SKAP2: variants seen among roughly 807,000 people sequenced by gnomAD.
SKAP2 encodes the protein src kinase-associated phosphoprotein 2.
A neutral mutation model predicts 54.9 loss-of-function variants in SKAP2; 28 were observed. The ratio of observed to expected loss-of-function variants is 0.51; its 90% CI spans 0.38 to 0.70. The LOEUF (loss-of-function observed/expected upper bound fraction) is 0.70, where lower values mean the gene tolerates loss of function less well. Ranked by LOEUF, SKAP2 falls within the 30% of genes least tolerant of loss-of-function variation. The probability of loss-of-function intolerance (pLI) is 0.00; values close to 1 mark genes in which losing one functional copy is unlikely to be tolerated. For missense variants in SKAP2, 356 were observed against 424.1 expected (o/e 0.84, Z 1.41); for synonymous variants, 137 against 134.3 (o/e 1.02, Z -0.14).
At chr7:26,759,155 T>C (rs1562600075) in intron 4 of SKAP2, among the ~76,000 whole-genome samples, 1 of 152,208 alleles carries the variant, frequency 6.6e-6, no homozygotes, top group Admixed American at 6.5e-5. Context: ...TTTATGGCTA[T>C]ACTATAAACT....
At chr7:26,695,425 C>T (rs915857346) in intron 9 of SKAP2, among the ~76,000 whole-genome samples, 22 of 152,188 alleles carry the variant, frequency 1.4e-4, no homozygotes, top group Non-Finnish European at 2.6e-4. Context: ...TTTATCATCA[C>T]CATTTTATGA....
chr7:26,857,864 G>C, intron 1 of SKAP2: 2 of 335,520 alleles, frequency 6.0e-6, no homozygotes, highest in Non-Finnish European at 8.5e-6. Context: ...AAATAGCCCT[G>C]CAAACGGTAA....
chr7:26,674,281 T>C (rs1259925616), intron 11 of SKAP2, among the ~76,000 whole-genome samples: 1 of 152,212 alleles, frequency 6.6e-6, no homozygotes, highest in Non-Finnish European at 1.5e-5. Flanking sequence ...ACCAATGGAC[T>C]TGACTGTTGT....
intron 4 of SKAP2, among the ~76,000 whole-genome samples, chr7:26,830,962 G>C (rs1183536243): frequency 6.6e-6 from 1 of 152,036 alleles, no homozygotes; most frequent in Non-Finnish European, 1.5e-5. Flanking sequence ...GTTTGGATTT[G>C]TTATTGTCTT....
chr7:26,725,708 T>C, intron 8 of SKAP2, 143 bp from the exon 9 acceptor site: 1 of 996,716 alleles, frequency 1.0e-6, no homozygotes, highest in South Asian at 1.8e-5. Context: ...TGTTTAAAAA[T>C]TGTTTTGTAA....
rs1265884478 is a variant in SKAP2 at position 26,740,858 on chromosome 7, G to A, written c.308-894C>T. 3.3e-5 allele frequency among the ~76,000 whole-genome samples: 5 copies of A among 151,886 alleles called. No homozygotes were observed. In the East Asian group the frequency reaches 5.8e-4, roughly 18 times the overall value. Reference sequence around the variant, plus strand: ...AAAGAAATTAGCCAGGCATGGTGGCGGGTGCCTGTAATCCCAGCTACTTGG... The same window carrying A: ...AAAGAAATTAGCCAGGCATGGTGGCAGGTGCCTGTAATCCCAGCTACTTGG... On this transcript the variant is annotated intron_variant, in intron 4 of 12. Transcript: ENST00000345317.
intron 9 of SKAP2, among the ~76,000 whole-genome samples, chr7:26,719,850 T>C (rs1292146026): frequency 3.3e-5 from 5 of 152,190 alleles, no homozygotes; most frequent in Non-Finnish European, 5.9e-5. Context: ...ATATGGAGCT[T>C]AGGTTATGAA....
the SKAP2 span, among the ~76,000 whole-genome samples, chr7:26,658,678 T>C: frequency 7.2e-5 from 11 of 152,170 alleles, no homozygotes; most frequent in Non-Finnish European, 1.6e-4. Context: ...AACACAGGCA[T>C]CACAATTTTT....
At chr7:26,826,228 T>C (rs1784492558) in intron 4 of SKAP2, among the ~76,000 whole-genome samples, 1 of 152,098 alleles carries the variant, frequency 6.6e-6, no homozygotes. Context: ...TTCAATGGGG[T>C]TGCTAACCTG....
At chr7:26,741,571 TA>T (rs1782456456) in intron 4 of SKAP2, among the ~76,000 whole-genome samples, 1,253 of 37,806 alleles carry the variant, frequency 0.033, 19 homozygotes, top group African/African-American at 0.074. Flanking sequence ...AATAAATAAA[TA>T]AATAAATTAA....
At chr7:26,666,109 T>C (rs1177223480), downstream of SKAP2, among the ~76,000 whole-genome samples, 2 of 152,122 alleles carry the variant, frequency 1.3e-5, no homozygotes, top group East Asian at 3.9e-4. Flanking sequence ...ACCATGTGGA[T>C]TGCTTTCAAT....
At position 26,667,952 on chromosome 7, in the gene SKAP2, G is replaced by A. The variant is rs1786138480; in HGVS notation, c.*1714C>T. On this transcript the variant is annotated 3_prime_UTR_variant, in exon 13 of 13. Coordinates refer to ENST00000345317, the MANE Select transcript of SKAP2 (RefSeq NM_003930.5). ...TCAGTCTATTTCAATGGCACTATAT[G>A]AGGAAAAGGTAAGAACTGCACAAAT... The A allele has an allele frequency of 6.6e-6, 1 of 152,120 alleles. No homozygotes were observed. Among genetic ancestry groups the A allele is most frequent in the South Asian group, 2.1e-4 (1 of 4,828 alleles). The allele number at this position is 152,120 out of a possible 1,614,324, so 9.4% of individuals were successfully genotyped here.
rs1241018956 is a variant in SKAP2 at position 26,668,429 on chromosome 7, A to G, written c.*1237T>C. Reference sequence around the variant, plus strand: ...AAATCTTGCTCAGGCAGCACAGAGTATAACTCAAATGTCAGGCTAACACTA... The same window carrying G: ...AAATCTTGCTCAGGCAGCACAGAGTGTAACTCAAATGTCAGGCTAACACTA... On this transcript the variant is annotated 3_prime_UTR_variant, in exon 13 of 13. Transcript: ENST00000345317. 1 of 152,176 alleles carries G rather than the reference A, an allele frequency of 6.6e-6. No homozygotes were observed. The highest frequency in any genetic ancestry group is 1.5e-5 in the Non-Finnish European group (1 of 68,030). 9.4% of individuals were successfully genotyped at this position (152,176 alleles called of 1,614,324 possible). A position where few individuals can be genotyped will look rare whatever the true frequency, so the allele number is the denominator to read the frequency against.
At chr7:26,801,036 T>C (rs1260736586) in intron 4 of SKAP2, among the ~76,000 whole-genome samples, 3 of 150,986 alleles carry the variant, frequency 2.0e-5, no homozygotes, top group African/African-American at 7.3e-5. Flanking sequence ...AAAAGACGCA[T>C]CCAAGAAAGA....
chr7:26,694,205 T>C (rs1786847546), intron 9 of SKAP2, among the ~76,000 whole-genome samples: 3 of 152,196 alleles, frequency 2.0e-5, no homozygotes, highest in African/African-American at 7.2e-5. Flanking sequence ...AGTCAATGTT[T>C]GTGAGTTAAT....
intron 4 of SKAP2, among the ~76,000 whole-genome samples, chr7:26,798,165 G>T (rs1233978693): frequency 6.6e-6 from 1 of 151,856 alleles, no homozygotes; most frequent in Non-Finnish European, 1.5e-5. Flanking sequence ...CAAGGATAAA[G>T]AAAGGACTTT....
the SKAP2 span, among the ~76,000 whole-genome samples, chr7:26,660,039 ATTTT>A: frequency 6.6e-6 from 1 of 152,056 alleles, no homozygotes; most frequent in Non-Finnish European, 1.5e-5. Flanking sequence ...TCTTCTCAAC[ATTTT>A]TTTAAGAGAA....
chr7:26,669,868 T>C (rs1018746255), intron 12 of SKAP2, among the ~76,000 whole-genome samples: 1 of 152,182 alleles, frequency 6.6e-6, no homozygotes, highest in Non-Finnish European at 1.5e-5. Flanking sequence ...AAGAACTTTC[T>C]CTAAATAATC....
At chr7:26,683,723 C>T (rs1053205558) in intron 11 of SKAP2, among the ~76,000 whole-genome samples, 25 of 152,060 alleles carry the variant, frequency 1.6e-4, no homozygotes, top group African/African-American at 5.3e-4. Context: ...CTCTAATGTT[C>T]GATGATTCTC....
Sources: allele counts gnomAD v4.1 joint callset (sites outside exome capture counted in the v4.1 genomes callset), GRCh38; gene constraint gnomAD v4.1.1; transcripts MANE v1.5; gene names NCBI Gene and HGNC (gene_info 2026-07-23, HGNC 2026-07-21).